Variants in RGS13 observed in about 807,000 individuals in gnomAD.
RGS13 encodes regulator of G protein signaling 13.
RGS13 carries 14 observed loss-of-function variants against 19.9 expected under a neutral mutation model. The observed-to-expected ratio is 0.70, with a 90% CI of 0.46 to 1.10. The LOEUF is 1.10. Among genes scored for constraint, RGS13 ranks in the 50% least tolerant of loss-of-function variants. RGS13 has a pLI of 0.00. For synonymous variants in RGS13, 60 were observed against 56.8 expected (o/e 1.06, Z -0.25); for missense variants, 205 against 187.1 (o/e 1.10, Z -0.56).
chr1:192,649,251 A>G (rs1449840075), intron 5 of RGS13, among the ~76,000 whole-genome samples: 2 of 152,134 alleles, frequency 1.3e-5, no homozygotes, highest in Non-Finnish European at 2.9e-5. Flanking sequence ...AAACAAATAT[A>G]TCTTCTGGGT....
intron 5 of RGS13, among the ~76,000 whole-genome samples, chr1:192,657,326 C>T (rs1478005230): frequency 2.0e-5 from 3 of 152,038 alleles, no homozygotes; most frequent in South Asian, 2.1e-4. Flanking sequence ...TATCTTGAAC[C>T]TTGAGAATAC....
rs2296023 is a variant in RGS13 at position 192,658,156 on chromosome 1, T to C, written c.128-45T>C. 42,476 of 1,468,092 alleles carry C rather than the reference T, an allele frequency of 0.029. 6,660 individuals carry two copies. In the African/African-American group the frequency reaches 0.41, roughly 14 times the overall value. 90.9% of individuals were successfully genotyped at this position (1,468,092 alleles called of 1,614,324 possible). A position where few individuals can be genotyped will look rare whatever the true frequency, so the allele number is the denominator to read the frequency against. ...AACTGTATTGCTTAGATTTTTTTGG[T>C]GATTTTGACCCATGAAAATAAACTG... On this transcript the variant is annotated intron_variant, in intron 5 of 6. Transcript: ENST00000391995.
rs759152701 is a variant in RGS13 at position 192,658,485 on chromosome 1, A to G, written c.294+118A>G. On this transcript the variant is annotated intron_variant, in intron 6 of 6. Coordinates refer to ENST00000391995, the MANE Select transcript of RGS13 (RefSeq NM_002927.5). ...ATCCAGTATCTCCTAAAATGCTATA[A>G]ATTCAGTATTGCTAACCTTATTTTA... is the stretch of plus-strand genomic sequence containing the variant. The G allele has an allele frequency of 1.7e-4, 158 of 908,966 alleles. 1 individual carries two copies. The highest frequency in any genetic ancestry group is 2.4e-4 in the Non-Finnish European group (147 of 602,950). The allele number at this position is 908,966 out of a possible 1,614,324, so 56.3% of individuals were successfully genotyped here.
At chr1:192,649,928 T>C (rs879212230) in intron 5 of RGS13, among the ~76,000 whole-genome samples, 3 of 152,132 alleles carry the variant, frequency 2.0e-5, no homozygotes. Flanking sequence ...TCTCCCTAGA[T>C]TATAAATTCC....
At chr1:192,652,659 A>T (rs1455824261) in intron 5 of RGS13, among the ~76,000 whole-genome samples, 2 of 151,870 alleles carry the variant, frequency 1.3e-5, no homozygotes, top group Non-Finnish European at 2.9e-5. Context: ...TCAGATATAA[A>T]CCTGTCGTCT....
intron 3 of RGS13, among the ~76,000 whole-genome samples, chr1:192,643,447 T>C (rs1466220612): frequency 7.9e-6 from 1 of 125,846 alleles, no homozygotes; most frequent in Non-Finnish European, 1.9e-5. Flanking sequence ...TTCTATGATA[T>C]GTATTGTTAT....
chr1:192,638,283 T>C (rs961097267), intron 3 of RGS13, 80 bp downstream of exon 3: 2 of 152,094 alleles, frequency 1.3e-5, no homozygotes, highest in African/African-American at 4.8e-5. Context: ...GTCATTATTT[T>C]TCCCCTTGGT....
At chr1:192,656,068 T>G (rs1212639728) in intron 5 of RGS13, among the ~76,000 whole-genome samples, 1 of 152,100 alleles carries the variant, frequency 6.6e-6, no homozygotes, top group African/African-American at 2.4e-5. Context: ...GGTTCTAAAA[T>G]GATAACCTAT....
intron 5 of RGS13, among the ~76,000 whole-genome samples, chr1:192,648,505 TGG>T (rs1269747031): frequency 6.6e-6 from 1 of 152,106 alleles, no homozygotes; most frequent in Non-Finnish European, 1.5e-5. Flanking sequence ...GACAAAGTCA[TGG>T]GCTCAGTGCA....
intron 3 of RGS13, among the ~76,000 whole-genome samples, chr1:192,643,155 C>T (rs1571579888): frequency 1.3e-5 from 2 of 152,102 alleles, no homozygotes; most frequent in Non-Finnish European, 2.9e-5. Context: ...AGCCACTGTG[C>T]CCAGCCCATC....
intron 3 of RGS13, among the ~76,000 whole-genome samples, chr1:192,642,592 G>C (rs974477706): frequency 6.6e-6 from 1 of 151,940 alleles, no homozygotes; most frequent in Non-Finnish European, 1.5e-5. Flanking sequence ...CTTGCAAAGT[G>C]TTGGGATTAT....
chr1:192,651,471 T>A (rs780725543), intron 5 of RGS13, among the ~76,000 whole-genome samples: 1 of 151,984 alleles, frequency 6.6e-6, no homozygotes, highest in Admixed American at 6.6e-5. Flanking sequence ...TAGTTGTTAC[T>A]AGTTATATTT....
At chr1:192,648,638 G>A (rs892282168) in intron 5 of RGS13, among the ~76,000 whole-genome samples, 9 of 152,112 alleles carry the variant, frequency 5.9e-5, no homozygotes, top group African/African-American at 2.2e-4. Context: ...AATGTAGGGT[G>A]TAGACACAGA....
At position 192,644,393 on chromosome 1, in the gene RGS13, C is replaced by CT; in HGVS notation, c.61dup (p.Ser21PhefsTer16). The CT allele has an allele frequency of 6.2e-7, 1 of 1,608,364 alleles. No individual in the cohort carries two copies. The highest frequency in any genetic ancestry group is 1.1e-5 in the South Asian group (1 of 90,430). On this transcript the variant is annotated frameshift_variant, in exon 4 of 7. Coordinates refer to ENST00000391995, the MANE Select transcript of RGS13 (RefSeq NM_002927.5). LOFTEE classifies it high-confidence loss of function. ...TGCAGAGATGAATCTAAGAGGCCCC[C>CT]TTCAAAGTAAGTAGCATTTAAGTTT...
intron 5 of RGS13, among the ~76,000 whole-genome samples, chr1:192,651,031 G>T (rs1383703680): frequency 6.6e-6 from 1 of 151,936 alleles, no homozygotes; most frequent in Non-Finnish European, 1.5e-5. Context: ...CCACTGAGAG[G>T]GAGAGTTCAG....
intron 4 of RGS13, chr1:192,646,284 A>G (rs929275474): frequency 6.6e-6 from 1 of 152,126 alleles, no homozygotes; most frequent in Non-Finnish European, 1.5e-5. Flanking sequence ...CTCTTTAACT[A>G]ATCCTCCTTC....
At chr1:192,638,064 AT>A (rs1489590769) in intron 2 of RGS13, 99 bp from the exon 3 acceptor site, 1 of 152,106 alleles carries the variant, frequency 6.6e-6, no homozygotes, top group African/African-American at 2.4e-5. Flanking sequence ...AATGATAAAT[AT>A]TGTTGAATGT....
chr1:192,648,065 T>C lies in RGS13; in HGVS notation c.127+78T>C, dbSNP rs1162801146. On this transcript the variant is annotated intron_variant, in intron 5 of 6. Coordinates refer to ENST00000391995, the MANE Select transcript of RGS13 (RefSeq NM_002927.5). Reference sequence around the variant, plus strand: ...AGGTAAAGGTGGGGGTGCCAGATGATGAATGTATGCTATTCTTCTCACAGC... The same window carrying C: ...AGGTAAAGGTGGGGGTGCCAGATGACGAATGTATGCTATTCTTCTCACAGC... 1.6e-5 allele frequency: 15 copies of C among 965,602 alleles called. No individual in the cohort carries two copies. In the East Asian group the frequency reaches 3.7e-4, roughly 24 times the overall value. 59.8% of individuals were successfully genotyped at this position (965,602 alleles called of 1,614,324 possible).
rs776428719 is a variant in RGS13, at chr1:192,647,964, T to C, written c.104T>C (p.Phe35Ser). ...LEEVLQWAQS[F>S]ENLMATKYGP... is the part of the protein sequence containing the mutation. ...GAAGTATTACAGTGGGCCCAGTCTT[T>C]TGAAAATTTAATGGCTACAAAATGT... The change falls in exon 5 of 7, where the codon TTT becomes TCT. Residue 35 changes from phenylalanine to serine, a missense_variant. Transcript: ENST00000391995. The C allele has an allele frequency of 6.2e-6, 10 of 1,601,360 alleles. No individual in the cohort carries two copies. In the South Asian group the frequency reaches 8.9e-5, roughly 14 times the overall value.
Sources: allele counts gnomAD v4.1 joint callset (sites outside exome capture counted in the v4.1 genomes callset), GRCh38; gene constraint gnomAD v4.1.1; transcripts MANE v1.5; gene names NCBI Gene and HGNC (gene_info 2026-07-23, HGNC 2026-07-21).